The following DROSHA variants were observed in gnomAD, a reference collection of about 807,000 sequenced individuals.
DROSHA encodes the protein ribonuclease 3.
Under a neutral mutation model 181.9 loss-of-function variants are expected in DROSHA, and 56 were observed. The ratio of observed to expected loss-of-function variants is 0.31; its 90% CI spans 0.25 to 0.38. The LOEUF is 0.38. DROSHA is among the 10% of genes least tolerant of loss of function. DROSHA has a pLI of 1.00. For synonymous variants in DROSHA, 524 were observed against 591.2 expected (o/e 0.89, Z 1.65); for missense variants, 1,218 against 1,743.5 (o/e 0.70, Z 5.37).
intron 30 of DROSHA, among the ~76,000 whole-genome samples, chr5:31,418,877 G>T (rs1742293256): frequency 6.6e-6 from 1 of 152,130 alleles, no homozygotes; most frequent in Admixed American, 6.5e-5. Context: ...TCTTACACAT[G>T]TTGAGATGTT....
chr5:31,450,802 T>A (rs576425852), intron 21 of DROSHA, among the ~76,000 whole-genome samples: 1 of 152,120 alleles, frequency 6.6e-6, no homozygotes, highest in Non-Finnish European at 1.5e-5. Flanking sequence ...CAAAAACCAC[T>A]TGTACCCCTA....
chr5:31,525,688 C>T (rs552266873), intron 5 of DROSHA, among the ~76,000 whole-genome samples: 3 of 152,122 alleles, frequency 2.0e-5, no homozygotes, highest in East Asian at 1.9e-4. Flanking sequence ...ACACGCAGAT[C>T]GCCAGTTCCA....
chr5:31,403,734 G>A (rs1051538271), intron 35 of DROSHA, among the ~76,000 whole-genome samples: 3 of 152,194 alleles, frequency 2.0e-5, no homozygotes, highest in African/African-American at 7.2e-5. Context: ...CCAGTGGGCT[G>A]CAATGGCAGA....
intron 25 of DROSHA, among the ~76,000 whole-genome samples, chr5:31,433,340 A>G (rs368178693): frequency 6.6e-6 from 1 of 152,222 alleles, no homozygotes; most frequent in East Asian, 1.9e-4. Context: ...AGTTTATACT[A>G]GAATATGTAA....
intron 25 of DROSHA, among the ~76,000 whole-genome samples, chr5:31,435,328 G>T (rs1744660493): frequency 6.6e-6 from 1 of 152,184 alleles, no homozygotes; most frequent in Non-Finnish European, 1.5e-5. Context: ...GGTGTAGAAA[G>T]TACCCCTAGT....
intron 20 of DROSHA, among the ~76,000 whole-genome samples, 199 bp from the exon 21 acceptor site, chr5:31,451,839 C>A (rs1747077687): frequency 6.6e-6 from 1 of 152,170 alleles, no homozygotes; most frequent in African/African-American, 2.4e-5. Context: ...TCTCTAGAAT[C>A]AGAATGCCTG....
chr5:31,448,618 T>TA lies in DROSHA; in HGVS notation c.2822-12dup. The stretch of plus-strand genomic sequence containing the variant: ...TCAAGGTGTTAATCCCTATTTAAAA[T>TA]AAAAAACAAATACACAAGTAAATAC... On this transcript the variant is annotated splice_polypyrimidine_tract_variant and intron_variant, in intron 22 of 35. Coordinates refer to ENST00000344624, the MANE Select transcript of DROSHA (RefSeq NM_001382508.1). 1.2e-6 allele frequency: 2 copies of TA among 1,608,740 alleles called. No homozygotes were observed.
At chr5:31,475,018 G>A (rs1750206070) in intron 16 of DROSHA, among the ~76,000 whole-genome samples, 2 of 151,996 alleles carry the variant, frequency 1.3e-5, no homozygotes, top group South Asian at 4.1e-4. Flanking sequence ...CTCCAAGTCA[G>A]TCTCAAAACA....
Position 31,526,779 on chromosome 5 carries a change from G to C in DROSHA, c.154C>G (p.Gln52Glu). Residue 52 changes from glutamine to glutamate, a missense_variant, in exon 5 of 36, where the codon CAA becomes GAA. By Grantham distance (29) the Gln-to-Glu change is conservative (BLOSUM62 2). Transcript: ENST00000344624. ...LHPQQPPVQY[Q>E]YEPPSAPSTT... The stretch of plus-strand genomic sequence containing the variant: ...GAAGGGGCACTTGGAGGTTCATATT[G>C]ATATTGCACAGGAGGCTGCTGAGGG... 2 of 1,601,480 alleles carry C rather than the reference G, an allele frequency of 1.2e-6. No individual in the cohort carries two copies. The highest frequency in any genetic ancestry group is 2.2e-5 in the East Asian group (1 of 44,766).
chr5:31,412,009 C>T (rs1244777621), intron 30 of DROSHA, among the ~76,000 whole-genome samples: 1 of 152,196 alleles, frequency 6.6e-6, no homozygotes, highest in Non-Finnish European at 1.5e-5. Context: ...AAAATTTCTA[C>T]TAGGAATTTC....
At chr5:31,530,110 G>C (rs1015375439) in intron 3 of DROSHA, among the ~76,000 whole-genome samples, 3 of 151,956 alleles carry the variant, frequency 2.0e-5, no homozygotes, top group Non-Finnish European at 4.4e-5. Context: ...ATAAATAATA[G>C]GCACCAAATA....
chr5:31,491,965 TG>T (rs1333916246), intron 13 of DROSHA, among the ~76,000 whole-genome samples: 1 of 152,204 alleles, frequency 6.6e-6, no homozygotes, highest in Non-Finnish European at 1.5e-5. Context: ...CAGCTAATTT[TG>T]TATTTTTAGT....
At chr5:31,403,994 T>C (rs1184988571) in intron 35 of DROSHA, among the ~76,000 whole-genome samples, 1 of 152,030 alleles carries the variant, frequency 6.6e-6, no homozygotes, top group Non-Finnish European at 1.5e-5. Flanking sequence ...CATAGCTCAC[T>C]GCAGCCTCGA....
chr5:31,475,313 G>A (rs1479392945), intron 16 of DROSHA, among the ~76,000 whole-genome samples: 1 of 152,104 alleles, frequency 6.6e-6, no homozygotes, highest in Non-Finnish European at 1.5e-5. Flanking sequence ...GTAAGACCCT[G>A]TCTCAAAAAA....
intron 11 of DROSHA, among the ~76,000 whole-genome samples, chr5:31,496,887 A>G (rs1753046164): frequency 6.6e-6 from 1 of 152,228 alleles, no homozygotes; most frequent in Non-Finnish European, 1.5e-5. Context: ...AGGAAGCTCT[A>G]AATTTCTGGC....
At chr5:31,507,872 G>T (rs1022671870) in intron 10 of DROSHA, among the ~76,000 whole-genome samples, 1 of 152,062 alleles carries the variant, frequency 6.6e-6, no homozygotes, top group Non-Finnish European at 1.5e-5. Context: ...AGAGTAAAAG[G>T]AACACACAAA....
intron 20 of DROSHA, among the ~76,000 whole-genome samples, chr5:31,456,463 T>C (rs964889180): frequency 2.0e-5 from 3 of 146,536 alleles, no homozygotes; most frequent in Non-Finnish European, 3.0e-5. Flanking sequence ...GACAACAAGA[T>C]ACACACACAC....
At chr5:31,472,013 C>A in intron 17 of DROSHA, 50 bp downstream of exon 17, 1 of 1,492,332 alleles carries the variant, frequency 6.7e-7, no homozygotes, top group South Asian at 1.5e-5. Context: ...ACATTCAGAT[C>A]TGGAAAAGAA....
intron 23 of DROSHA, 137 bp downstream of exon 23, chr5:31,448,410 G>T: frequency 1.4e-6 from 1 of 703,774 alleles, no homozygotes; most frequent in Non-Finnish European, 2.4e-6. Flanking sequence ...TGTCAATGTT[G>T]CAAAATTAGA....
Sources: allele counts gnomAD v4.1 joint callset (sites outside exome capture counted in the v4.1 genomes callset), GRCh38; gene constraint gnomAD v4.1.1; transcripts MANE v1.5; gene names NCBI Gene and HGNC (gene_info 2026-07-23, HGNC 2026-07-21).